LYSMD4: variants seen among roughly 807,000 people sequenced by gnomAD.
LYSMD4 encodes the protein lysM and putative peptidoglycan-binding domain-containing protein 4.
A neutral mutation model predicts 6.1 loss-of-function variants in LYSMD4; 9 were observed. The ratio of observed to expected loss-of-function variants is 1.47; its 90% CI spans 0.88 to 2.56. The LOEUF (loss-of-function observed/expected upper bound fraction) is 2.56. Among genes scored for constraint, LYSMD4 ranks in the 30% most tolerant of loss-of-function variants. The pLI is 0.00. For synonymous variants in LYSMD4, 143 were observed against 148.5 expected (o/e 0.96, Z 0.27); for missense variants, 384 against 373.5 (o/e 1.03, Z -0.23).
In LYSMD4 at chr15:99,731,071, C is replaced by T. The variant is rs772757399; in HGVS notation, c.282+647G>A. On this transcript the variant is annotated intron_variant, in intron 2 of 2. Coordinates refer to ENST00000684762, the MANE Select transcript of LYSMD4 (RefSeq NM_001284417.2). ...TTCTTAAATTAAGTAGCTTATATAC[C>T]CCTAGAGAAGGCCATACAAATCTGT... The T allele has an allele frequency of 5.6e-6, 6 of 1,065,132 alleles. No homozygotes were observed. In the Admixed American group the frequency reaches 1.0e-4, roughly 18 times the overall value. 66.0% of individuals were successfully genotyped at this position (1,065,132 alleles called of 1,614,324 possible).
chr15:99,728,894 T>C lies in LYSMD4; in HGVS notation c.*229A>G. 1 of 586,460 alleles carries C rather than the reference T, an allele frequency of 1.7e-6. No individual in the cohort carries two copies. Among genetic ancestry groups the C allele is most frequent in the South Asian group, 2.0e-5 (1 of 48,784 alleles). 36.3% of individuals were successfully genotyped at this position (586,460 alleles called of 1,614,324 possible). ...TGTCACAGGGAAATGGCTCTCTTGC[T>C]GCACCTCTCTGGATAGGGGCCGAGG... is the stretch of plus-strand genomic sequence containing the variant. On this transcript the variant is annotated 3_prime_UTR_variant, in exon 3 of 3. Transcript: ENST00000684762.
intron 2 of LYSMD4, 141 bp from the exon 3 acceptor site, chr15:99,729,872 C>A: frequency 8.9e-7 from 1 of 1,121,206 alleles, no homozygotes; most frequent in Non-Finnish European, 1.2e-6. Flanking sequence ...AAAACTGCAG[C>A]TGTACACAAA....
intron 2 of LYSMD4, chr15:99,731,170 T>C: frequency 6.2e-7 from 1 of 1,612,192 alleles, no homozygotes; most frequent in Non-Finnish European, 8.5e-7. Flanking sequence ...CTTTCCTACT[T>C]ACTTTGCCAT....
rs913693744 is a variant in LYSMD4, at chr15:99,732,558, A to C, written c.-8-551T>G. ...GTGGGGCAAGCTACGGGGAGAACTCATGCCTGTCAGCCGGAGAAAAGCGTC... is the reference window on the plus strand; with the variant it reads ...GTGGGGCAAGCTACGGGGAGAACTCCTGCCTGTCAGCCGGAGAAAAGCGTC... On this transcript the variant is annotated intron_variant, in intron 1 of 2. Transcript: ENST00000684762. Among the ~76,000 whole-genome samples the C allele has an allele frequency of 5.3e-5, 8 of 152,348 alleles. No individual in the cohort carries two copies. The South Asian group carries it at 1.7e-3, about 32-fold the overall frequency.
rs556670692 is a variant in LYSMD4 at position 99,732,502 on chromosome 15, TCTTA to T, written c.-8-499_-8-496del. On this transcript the variant is annotated intron_variant, in intron 1 of 2. Transcript: ENST00000684762. ...GCTCAGAACTGTGGGGCTAAACTGCTCTTACTTTGACACAGTTTAACTCACAGTA... is the reference window on the plus strand; with the variant it reads ...GCTCAGAACTGTGGGGCTAAACTGCTCTTTGACACAGTTTAACTCACAGTA... 1.6e-4 allele frequency among the ~76,000 whole-genome samples: 25 copies of T among 152,346 alleles called. 1 individual carries two copies. In the East Asian group the frequency reaches 2.7e-3, roughly 16 times the overall value.
At chr15:99,718,882 A>G (rs2059215445), upstream of LYSMD4, among the ~76,000 whole-genome samples, 1 of 150,884 alleles carries the variant, frequency 6.6e-6, no homozygotes, top group South Asian at 2.1e-4. Context: ...TTCTGCAGAC[A>G]CAACAAGGAA....
rs371075369 is a variant in LYSMD4 at position 99,716,685 on chromosome 15, G to A, written c.113C>T (p.Pro38Leu). 867 of 456,704 alleles carry A rather than the reference G, an allele frequency of 1.9e-3. 10 individuals carry two copies. Among genetic ancestry groups the A allele is most frequent in the South Asian group, 0.013 (840 of 64,564 alleles). The allele number at this position is 456,704 out of a possible 1,614,324, so 28.3% of individuals were successfully genotyped here. Residue 38 changes from proline (P) to leucine (L), a missense_variant, in exon 1 of 1, where the codon CCG becomes CTG. Pro to Leu is a moderately conservative substitution (Grantham distance 98, BLOSUM62 -3). Transcript: ENST00000378904. ...ACTGGCCTCCCCCTTGTCGGCTCCCGGGTCATCCCTGCTGGGCAGCCCTGG... is the reference window on the plus strand; with the variant it reads ...ACTGGCCTCCCCCTTGTCGGCTCCCAGGTCATCCCTGCTGGGCAGCCCTGG...
chr15:99,718,433 C>A (rs1256310205), upstream of LYSMD4, among the ~76,000 whole-genome samples: 1 of 32,530 alleles, frequency 3.1e-5, no homozygotes, highest in Admixed American at 3.4e-4. Context: ...TACCTTGAGA[C>A]TGCAGGGTTA....
upstream of LYSMD4, among the ~76,000 whole-genome samples, chr15:99,718,907 GCGCACACACA>G (rs1323228935): frequency 1.1e-4 from 8 of 72,302 alleles, no homozygotes; most frequent in Middle Eastern, 6.6e-3. Context: ...ATGTAGTTAT[GCGCACACACA>G]CACACACACA....
downstream of LYSMD4, among the ~76,000 whole-genome samples, chr15:99,726,510 T>A (rs1202348550): frequency 1.3e-5 from 2 of 149,586 alleles, no homozygotes; most frequent in African/African-American, 2.4e-5. Flanking sequence ...ACACTCCCCC[T>A]ACTGCAGCGC....
upstream of LYSMD4, among the ~76,000 whole-genome samples, chr15:99,719,845 C>G (rs183735855): frequency 1.3e-5 from 2 of 152,288 alleles, no homozygotes; most frequent in East Asian, 3.9e-4. Flanking sequence ...TCCTTGCCAA[C>G]AGAGTGCAGT....
exon 1 of LYSMD4, chr15:99,716,463 G>A (rs1482916434): frequency 2.2e-6 from 1 of 456,710 alleles, no homozygotes; most frequent in Non-Finnish European, 4.4e-6. Flanking sequence ...ACTCACTCCA[G>A]TAAAGACGGA....
At position 99,731,736 on chromosome 15, in the gene LYSMD4, C is replaced by CG; in HGVS notation, c.263dup (p.Leu89AlafsTer29). 6.2e-7 allele frequency: 1 copy of CG among 1,601,346 alleles called. No homozygotes were observed. The highest frequency in any genetic ancestry group is 1.7e-5 in the Admixed American group (1 of 59,544). On this transcript the variant is annotated frameshift_variant, in exon 2 of 3. Coordinates refer to ENST00000684762, the MANE Select transcript of LYSMD4 (RefSeq NM_001284417.2). LOFTEE classifies it low-confidence loss of function (END_TRUNC). The stretch of plus-strand genomic sequence containing the variant: ...GTCTTACTTTGCAGCCATACTGCAG[C>CG]GCCAGCTTGTTGAGGCTGTCCTCCT...
In LYSMD4 at chr15:99,731,985, T is replaced by C. The variant is rs767294453; in HGVS notation, c.15A>G (p.Glu5=). The C allele has an allele frequency of 3.8e-6, 6 of 1,573,420 alleles. No individual in the cohort carries two copies. Among genetic ancestry groups the C allele is most frequent in the Admixed American group, 1.9e-5 (1 of 53,984 alleles). ...GGCCTTGGAAGGTCTTGGTTAACAA[T>C]TCCTCGTGCCTCATTTTCTTCACTG... is the stretch of plus-strand genomic sequence containing the variant. The part of the protein sequence containing the change: MRHE[E]LLTKTFQGPA... Residue 5 remains glutamate, a synonymous_variant, in exon 2 of 3, where the codon GAA becomes GAG. Coordinates refer to ENST00000684762, the MANE Select transcript of LYSMD4 (RefSeq NM_001284417.2).
In LYSMD4 at chr15:99,729,117, C is replaced by A. The variant is rs1282278556; in HGVS notation, c.*6G>T. ...TAAAGCTGGGCCTAGTCTTTAAAAA[C>A]AAAGCTTAGCTCCCCGCTTGGGTGG... On this transcript the variant is annotated 3_prime_UTR_variant, in exon 3 of 3. Transcript: ENST00000684762. The A allele has an allele frequency of 1.2e-6, 2 of 1,609,634 alleles. No homozygotes were observed. The highest frequency in any genetic ancestry group is 4.5e-5 in the East Asian group (2 of 44,748).
At chr15:99,730,360 G>T (rs1002624452) in intron 2 of LYSMD4, among the ~76,000 whole-genome samples, 11 of 152,226 alleles carry the variant, frequency 7.2e-5, no homozygotes, top group Non-Finnish European at 1.2e-4. Context: ...GAATAATGCT[G>T]TGAGTTTTAT....
At chr15:99,718,938 C>CACACAT (rs1555507452), upstream of LYSMD4, among the ~76,000 whole-genome samples, 1 of 146,766 alleles carries the variant, frequency 6.8e-6, no homozygotes, top group Admixed American at 6.8e-5. Flanking sequence ...CACACACACA[C>CACACAT]ACATCCATCC....
exon 1 of LYSMD4, chr15:99,717,054 T>C (rs1338053606): frequency 5.9e-6 from 1 of 170,384 alleles, no homozygotes; most frequent in East Asian, 1.6e-4. Flanking sequence ...TTTGTCATAA[T>C]TCAGCTAGAA....
In LYSMD4 at chr15:99,728,965, G is replaced by A. The variant is rs1352488712; in HGVS notation, c.*158C>T. The A allele has an allele frequency of 7.8e-6, 8 of 1,025,632 alleles. No homozygotes were observed. Among genetic ancestry groups the A allele is most frequent in the Non-Finnish European group, 1.1e-5 (8 of 696,692 alleles). The allele number at this position is 1,025,632 out of a possible 1,614,324, so 63.5% of individuals were successfully genotyped here. A position where few individuals can be genotyped will look rare whatever the true frequency, so the allele number is the denominator to read the frequency against. The stretch of plus-strand genomic sequence containing the variant: ...GCCAGCTTAGACTGGGTAAGGCCAT[G>A]CCCAGGGCCAGTGCAATTGGGAATA... On this transcript the variant is annotated 3_prime_UTR_variant, in exon 3 of 3. Transcript: ENST00000684762.
Sources: allele counts gnomAD v4.1 joint callset (sites outside exome capture counted in the v4.1 genomes callset), GRCh38; gene constraint gnomAD v4.1.1; transcripts MANE v1.5; gene names NCBI Gene and HGNC (gene_info 2026-07-23, HGNC 2026-07-21).